KLRG1: variants seen among roughly 807,000 people sequenced by gnomAD.
The protein encoded by KLRG1 is killer cell lectin like receptor G1.
A neutral mutation model predicts 21.8 loss-of-function variants in KLRG1; 16 were observed. That is an observed-to-expected ratio of 0.73 (90% CI 0.50 to 1.11). The LOEUF (loss-of-function observed/expected upper bound fraction) is 1.11. Ranked by LOEUF, KLRG1 falls within the 50% of genes most tolerant of loss-of-function variation. KLRG1 has a pLI of 0.00. For synonymous variants in KLRG1, 69 were observed against 75.9 expected (o/e 0.91, Z 0.47); for missense variants, 173 against 218.3 (o/e 0.79, Z 1.31).
chr12:9,091,114 A>C, the KLRG1 span: 3 of 1,434,318 alleles, frequency 2.1e-6, no homozygotes, highest in African/African-American at 2.8e-5. Context: ...CATATTTTGC[A>C]TACAAGAGTT....
At chr12:9,038,708 C>T in the KLRG1 span, among the ~76,000 whole-genome samples, 1 of 152,114 alleles carries the variant, frequency 6.6e-6, no homozygotes, top group African/African-American at 2.4e-5. Context: ...ATCACTCCCC[C>T]ACTGCTGGTT....
chr12:9,170,318 G>T, the KLRG1 span, among the ~76,000 whole-genome samples: 1 of 152,196 alleles, frequency 6.6e-6, no homozygotes, highest in African/African-American at 2.4e-5. The surrounding 1 kb of genome is among the most constrained non-coding windows in gnomAD (Gnocchi z 4.6). Flanking sequence ...CATGCCACCA[G>T]GGTCTTGGGT....
chr12:9,029,837 A>G, the KLRG1 span, among the ~76,000 whole-genome samples: 1 of 152,088 alleles, frequency 6.6e-6, no homozygotes, highest in Non-Finnish European at 1.5e-5. Flanking sequence ...GCTCACTGCA[A>G]CCTCTGCCTC....
the KLRG1 span, among the ~76,000 whole-genome samples, chr12:9,034,987 A>G: frequency 2.6e-5 from 4 of 152,108 alleles, no homozygotes; most frequent in African/African-American, 9.7e-5. Flanking sequence ...TGGCTAATGT[A>G]TGTTTTTGTG....
the KLRG1 span, among the ~76,000 whole-genome samples, chr12:9,179,973 A>C: frequency 6.6e-6 from 1 of 152,202 alleles, no homozygotes; most frequent in Non-Finnish European, 1.5e-5. Flanking sequence ...ACTATTCTGA[A>C]TCCACTTTTC....
At chr12:9,156,665 TTA>T in the KLRG1 span, among the ~76,000 whole-genome samples, 1 of 152,232 alleles carries the variant, frequency 6.6e-6, no homozygotes, top group Non-Finnish European at 1.5e-5. Flanking sequence ...ATCTGCAGCA[TTA>T]TGTCTATTAT....
At chr12:9,124,008 CAT>C in the KLRG1 span, among the ~76,000 whole-genome samples, 12 of 152,186 alleles carry the variant, frequency 7.9e-5, no homozygotes, top group African/African-American at 2.9e-4. Context: ...TGCCAGCATT[CAT>C]TTAATTTTAG....
the KLRG1 span, among the ~76,000 whole-genome samples, chr12:9,211,613 T>G: frequency 4.6e-5 from 7 of 151,610 alleles, no homozygotes; most frequent in Admixed American, 2.0e-4. Context: ...GGAGATTAGT[T>G]ACTGGAACTT....
At chr12:9,070,588 CA>C in the KLRG1 span, 2 of 1,600,740 alleles carry the variant, frequency 1.2e-6, no homozygotes, top group Non-Finnish European at 1.7e-6. Context: ...ACTGAGGATC[CA>C]GGGGAGGAAA....
the KLRG1 span, among the ~76,000 whole-genome samples, chr12:9,114,501 A>G: frequency 1.3e-5 from 2 of 152,128 alleles, no homozygotes; most frequent in Non-Finnish European, 2.9e-5. Flanking sequence ...TACTATCACT[A>G]TTTAAAAGTA....
chr12:9,156,058 T>C, the KLRG1 span: 1 of 212,848 alleles, frequency 4.7e-6, no homozygotes, highest in South Asian at 9.0e-5. Context: ...GTTTCTGAGA[T>C]TAGAAAGAGT....
chr12:9,163,388 G>A, the KLRG1 span, among the ~76,000 whole-genome samples: 2 of 151,288 alleles, frequency 1.3e-5, no homozygotes, highest in African/African-American at 4.9e-5. Flanking sequence ...GGGAGGCAGA[G>A]CTTTCAGTGA....
chr12:9,025,617 A>G, the KLRG1 span, among the ~76,000 whole-genome samples: 1 of 152,250 alleles, frequency 6.6e-6, no homozygotes, highest in African/African-American at 2.4e-5. Flanking sequence ...AGCCTGGATG[A>G]CAGAGTGAGA....
the KLRG1 span, chr12:9,112,402 T>G: frequency 6.2e-7 from 1 of 1,614,022 alleles, no homozygotes; most frequent in Non-Finnish European, 8.5e-7. Flanking sequence ...TGTAGATTGA[T>G]TTGTCTGTCT....
chr12:9,167,933 T>A, the KLRG1 span, among the ~76,000 whole-genome samples: 1 of 152,166 alleles, frequency 6.6e-6, no homozygotes, highest in Non-Finnish European at 1.5e-5. Context: ...AAAATCATAT[T>A]TACCATTTTT....
chr12:9,083,349 C>A, the KLRG1 span, among the ~76,000 whole-genome samples: 1 of 151,544 alleles, frequency 6.6e-6, no homozygotes, highest in African/African-American at 2.4e-5. Context: ...TGTAATAAAC[C>A]TGCACATTGT....
the KLRG1 span, chr12:9,182,060 C>A: frequency 1.9e-6 from 3 of 1,613,640 alleles, no homozygotes; most frequent in Non-Finnish European, 2.5e-6. Context: ...GATGAACATT[C>A]GTGCAATGGG....
the KLRG1 span, among the ~76,000 whole-genome samples, chr12:9,085,528 C>G: frequency 6.6e-6 from 1 of 151,802 alleles, no homozygotes; most frequent in Non-Finnish European, 1.5e-5. Context: ...AAGAGGAAAG[C>G]TTATAACAAT....
the KLRG1 span, among the ~76,000 whole-genome samples, chr12:9,031,436 G>T: frequency 6.6e-6 from 1 of 152,200 alleles, no homozygotes; most frequent in Non-Finnish European, 1.5e-5. Context: ...TCCACCGGGG[G>T]AGAAGCTTGA....
Sources: allele counts gnomAD v4.1 joint callset (sites outside exome capture counted in the v4.1 genomes callset), GRCh38; gene constraint gnomAD v4.1.1; non-coding constraint Gnocchi (gnomAD v3.1); transcripts MANE v1.5; gene names NCBI Gene and HGNC (gene_info 2026-07-23, HGNC 2026-07-21).